Variants in RARB observed in about 807,000 individuals in gnomAD.
The protein encoded by RARB is HBV-activated protein.
Under a neutral mutation model 51.9 loss-of-function variants are expected in RARB, and 17 were observed. The ratio of observed to expected loss-of-function variants is 0.33; its 90% confidence interval spans 0.22 to 0.49. The LOEUF (loss-of-function observed/expected upper bound fraction) is 0.49, where lower values mean the gene tolerates loss of function less well. Ranked by LOEUF, RARB falls within the 20% of genes least tolerant of loss-of-function variation. The pLI, the probability that RARB is intolerant of heterozygous loss-of-function variation, is 0.99. For missense variants in RARB, 369 were observed against 550.8 expected, an observed-to-expected ratio of 0.67 and a Z score of 3.30; for synonymous variants, 215 against 195.4, an observed-to-expected ratio of 1.10 and a Z score of -0.84.
At chr3:24,888,041 C>T (rs1005607404) in intron 2 of RARB, among the ~76,000 whole-genome samples, 1 of 152,056 alleles carries the variant, frequency 6.6e-6, no homozygotes, top group African/African-American at 2.4e-5. Context: ...TATTATATGA[C>T]TCTTGGTGAT....
At chr3:25,000,516 C>T (rs1331571449) in intron 2 of RARB, among the ~76,000 whole-genome samples, 3 of 152,050 alleles carry the variant, frequency 2.0e-5, no homozygotes, top group African/African-American at 7.2e-5. Flanking sequence ...CTTCTTTGAC[C>T]TGCGAGGCTG....
At chr3:24,978,220 G>A (rs1485537357) in intron 2 of RARB, among the ~76,000 whole-genome samples, 1 of 150,826 alleles carries the variant, frequency 6.6e-6, no homozygotes, top group East Asian at 1.9e-4. Flanking sequence ...CTTTTTTTTT[G>A]TTGTTGTGTC....
intron 2 of RARB, among the ~76,000 whole-genome samples, chr3:24,934,309 G>A (rs1695504016): frequency 6.6e-6 from 1 of 152,128 alleles, no homozygotes; most frequent in Admixed American, 6.6e-5. Context: ...GGTTGGAAGA[G>A]TTACCGGCAC....
intron 2 of RARB, among the ~76,000 whole-genome samples, chr3:24,979,462 T>C (rs1164386794): frequency 1.3e-5 from 2 of 152,250 alleles, no homozygotes; most frequent in Admixed American, 1.3e-4. Flanking sequence ...TAGCTCTTCT[T>C]GTTGGATTGA....
intron 5 of RARB, among the ~76,000 whole-genome samples, chr3:25,345,055 A>G (rs1022193261): frequency 6.6e-6 from 1 of 152,222 alleles, no homozygotes; most frequent in Non-Finnish European, 1.5e-5. Context: ...GAGAGCAGAC[A>G]TGCTGAAGTT....
chr3:25,363,824 A>T (rs1706028409), intron 5 of RARB, among the ~76,000 whole-genome samples: 1 of 151,980 alleles, frequency 6.6e-6, no homozygotes, highest in Non-Finnish European at 1.5e-5. Flanking sequence ...CTTCATCCCT[A>T]CTAACATCTC....
At chr3:25,161,206 AT>A (rs1340856465) in intron 4 of RARB, among the ~76,000 whole-genome samples, 2 of 118,768 alleles carry the variant, frequency 1.7e-5, no homozygotes, top group African/African-American at 7.8e-5. Context: ...TATTATTATT[AT>A]TATTATTATT....
chr3:25,127,686 A>G (rs1412874696), intron 3 of RARB, among the ~76,000 whole-genome samples: 1 of 152,064 alleles, frequency 6.6e-6, no homozygotes, highest in Non-Finnish European at 1.5e-5. Context: ...GAAGGAGCGA[A>G]GGAGGGAGGG....
intron 5 of RARB, among the ~76,000 whole-genome samples, chr3:25,317,049 T>C (rs543489231): frequency 7.1e-5 from 5 of 70,290 alleles, no homozygotes; most frequent in African/African-American, 2.3e-4. Flanking sequence ...GGAAATCTTA[T>C]AACTAACTGT....
At chr3:25,518,714 G>C (rs1428291563) in intron 3 of RARB, among the ~76,000 whole-genome samples, 1 of 152,028 alleles carries the variant, frequency 6.6e-6, no homozygotes, top group African/African-American at 2.4e-5. Flanking sequence ...ATGCATTTAT[G>C]GGTATTGTCT....
rs1553638323 is a variant in RARB at position 25,597,636 on chromosome 3, T to TAA, written c.*1021_*1022dup. ...TTGATGCCAAGGGGCTAATTAATAT[T>TAA]AACAACTCCCAAAGAAACAGGCATA... On this transcript the variant is annotated 3_prime_UTR_variant, in exon 8 of 8. Transcript: ENST00000330688. The TAA allele has an allele frequency of 2.1e-5, 3 of 142,506 alleles. No individual in the cohort carries two copies. The highest frequency in any genetic ancestry group is 7.4e-5 in the African/African-American group (3 of 40,606). The allele number at this position is 142,506 out of a possible 1,614,324, so 8.8% of individuals were successfully genotyped here.
chr3:25,368,854 T>C (rs1464142390), intron 5 of RARB, among the ~76,000 whole-genome samples: 1 of 152,230 alleles, frequency 6.6e-6, no homozygotes, highest in African/African-American at 2.4e-5. Context: ...TAGACCCGTT[T>C]GGATAGTCAT....
intron 2 of RARB, among the ~76,000 whole-genome samples, chr3:24,942,509 G>A (rs1048691366): frequency 3.3e-5 from 5 of 152,114 alleles, no homozygotes; most frequent in African/African-American, 9.7e-5. Context: ...TTTTAAAATA[G>A]AGAAATCAAA....
intron 5 of RARB, among the ~76,000 whole-genome samples, chr3:25,279,072 T>C (rs1364722393): frequency 6.6e-6 from 1 of 152,234 alleles, no homozygotes; most frequent in African/African-American, 2.4e-5. Flanking sequence ...TGCAGGGCTT[T>C]ATGATTTTTA....
At chr3:24,972,667 T>C (rs187602749) in intron 2 of RARB, among the ~76,000 whole-genome samples, 37 of 152,184 alleles carry the variant, frequency 2.4e-4, no homozygotes, top group African/African-American at 7.9e-4. Context: ...TTCCAGACTT[T>C]TTGATAAATA....
intron 5 of RARB, among the ~76,000 whole-genome samples, chr3:25,320,800 T>G (rs918150172): frequency 6.6e-6 from 1 of 152,220 alleles, no homozygotes; most frequent in Non-Finnish European, 1.5e-5. Context: ...TTGGGTTCTT[T>G]CCCAGTGAAC....
chr3:25,100,849 T>C (rs144973334), intron 3 of RARB, among the ~76,000 whole-genome samples: 66 of 152,194 alleles, frequency 4.3e-4, no homozygotes, highest in African/African-American at 1.6e-3. Flanking sequence ...GATAGGGAAA[T>C]GGGAAGTAGA....
At chr3:25,174,539 C>T (rs1700705420) in exon 5 of RARB, 2 of 1,352,152 alleles carry the variant, frequency 1.5e-6, no homozygotes, top group Middle Eastern at 2.1e-4. Context: ...TCATGGACAT[C>T]CGCCTCCGAG....
intron 5 of RARB, among the ~76,000 whole-genome samples, chr3:25,341,391 G>A (rs1237267273): frequency 6.6e-6 from 1 of 152,126 alleles, no homozygotes; most frequent in South Asian, 2.1e-4. Context: ...AGTAGAAAAA[G>A]GTTGTGGAAC....
Sources: gnomAD v4.1 joint callset for allele counts (sites outside exome capture counted in the v4.1 genomes callset) on GRCh38, gnomAD v4.1.1 for gene constraint, MANE v1.5 for transcripts, NCBI Gene and HGNC (gene_info 2026-07-23, HGNC 2026-07-21) for gene names.